Variants in KLHL2 observed in about 807,000 individuals in gnomAD.
KLHL2 encodes kelch-like protein 2.
A neutral mutation model predicts 75.8 loss-of-function variants in KLHL2; 15 were observed. That is an observed-to-expected ratio of 0.20 (90% CI 0.13 to 0.30). KLHL2 has a LOEUF of 0.30. Among genes scored for constraint, KLHL2 ranks in the 10% least tolerant of loss-of-function variants. The pLI, the probability that KLHL2 is intolerant of heterozygous loss-of-function variation, is 1.00. For missense variants in KLHL2, 381 were observed against 741.0 expected, an observed-to-expected ratio of 0.51 and a Z score of 5.64; for synonymous variants, 214 against 251.9, an observed-to-expected ratio of 0.85 and a Z score of 1.42.
chr4:165,277,421 T>G (rs1489914742), intron 5 of KLHL2, among the ~76,000 whole-genome samples: 2 of 152,248 alleles, frequency 1.3e-5, no homozygotes, highest in Non-Finnish European at 2.9e-5. Context: ...TAAATGTCTA[T>G]TTTAATAATT....
chr4:165,223,091 C>G, intron 2 of KLHL2, among the ~76,000 whole-genome samples: 1 of 152,216 alleles, frequency 6.6e-6, no homozygotes, highest in Non-Finnish European at 1.5e-5. Flanking sequence ...TGTTTTTAGA[C>G]AGGAGGCCCA....
chr4:165,220,714 G>A lies in KLHL2; in HGVS notation c.152+655G>A, dbSNP rs961355856. 5.9e-5 allele frequency among the ~76,000 whole-genome samples: 9 copies of A among 152,342 alleles called. No homozygotes were observed. In the South Asian group the frequency reaches 1.2e-3, roughly 21 times the overall value. Reference sequence around the variant, plus strand: ...AGGGCTTCTAACTTACTGTGGCAAAGAGTATGGAAAGAAACTTTTAGAGAA... The same window carrying A: ...AGGGCTTCTAACTTACTGTGGCAAAAAGTATGGAAAGAAACTTTTAGAGAA... On this transcript the variant is annotated intron_variant, in intron 2 of 14. Transcript: ENST00000226725.
At chr4:165,286,652 A>C (rs1356561943) in intron 5 of KLHL2, among the ~76,000 whole-genome samples, 1 of 152,196 alleles carries the variant, frequency 6.6e-6, no homozygotes, top group Non-Finnish European at 1.5e-5. Context: ...TTTCAAGGTA[A>C]AATTGAGCCA....
chr4:165,310,180 T>C (rs1041297673), intron 9 of KLHL2, among the ~76,000 whole-genome samples: 36 of 151,758 alleles, frequency 2.4e-4, no homozygotes, highest in Admixed American at 5.9e-4. Flanking sequence ...AAAAAATTAG[T>C]TGGGTGTGGT....
chr4:165,314,014 T>C lies in KLHL2; in HGVS notation c.1469-12T>C. 6.2e-7 allele frequency: 1 copy of C among 1,606,996 alleles called. No homozygotes were observed. Among genetic ancestry groups the C allele is most frequent in the Non-Finnish European group, 8.5e-7 (1 of 1,177,222 alleles). On this transcript the variant is annotated splice_polypyrimidine_tract_variant and intron_variant, in intron 12 of 14. Coordinates refer to ENST00000226725, the MANE Select transcript of KLHL2 (RefSeq NM_007246.4). ...CTTTTTGCCCCTCTATTTGGCTGGTTGTGTTTTATAGGTGTTGGTGTGTTA... is the reference window on the plus strand; with the variant it reads ...CTTTTTGCCCCTCTATTTGGCTGGTCGTGTTTTATAGGTGTTGGTGTGTTA...
chr4:165,209,637 T>C (rs182716851), intron 1 of KLHL2, among the ~76,000 whole-genome samples: 13 of 152,320 alleles, frequency 8.5e-5, no homozygotes, highest in African/African-American at 3.1e-4. Flanking sequence ...ATTTTTGGCA[T>C]TGAGATTCCA....
At chr4:165,274,621 A>G (rs1742937509) in intron 5 of KLHL2, among the ~76,000 whole-genome samples, 1 of 152,004 alleles carries the variant, frequency 6.6e-6, no homozygotes, top group Non-Finnish European at 1.5e-5. Flanking sequence ...AAAAAAAAAA[A>G]AAAATGGAAG....
At chr4:165,236,915 CTGTT>C (rs748311354) in intron 3 of KLHL2, among the ~76,000 whole-genome samples, 18 of 151,116 alleles carry the variant, frequency 1.2e-4, no homozygotes, top group Non-Finnish European at 2.4e-4. Flanking sequence ...ATATTAAAAA[CTGTT>C]TGGCAGAGAA....
At chr4:165,243,311 A>C (rs1489700537) in intron 4 of KLHL2, among the ~76,000 whole-genome samples, 1 of 152,214 alleles carries the variant, frequency 6.6e-6, no homozygotes, top group Non-Finnish European at 1.5e-5. Flanking sequence ...AGAGTTTTTC[A>C]CTTGATGTAA....
Position 165,258,369 on chromosome 4 carries a change from G to A in KLHL2, c.382-4828G>A, listed in dbSNP as rs577852402. On this transcript the variant is annotated intron_variant, in intron 4 of 14. Transcript: ENST00000226725. ...GTACTGTATAGAAATCCAAGGTACT[G>A]CATGATGGTCTGTGCTTAACTATGA... Among the ~76,000 whole-genome samples, 11 of 144,012 alleles carry A rather than the reference G, an allele frequency of 7.6e-5. No homozygotes were observed. The East Asian group carries it at 1.6e-3, about 21-fold the overall frequency. 94.5% of individuals were successfully genotyped at this position (144,012 alleles called of 152,430 possible). A position where few individuals can be genotyped will look rare whatever the true frequency, so the allele number is the denominator to read the frequency against.
intron 1 of KLHL2, among the ~76,000 whole-genome samples, chr4:165,212,626 C>T (rs977896990): frequency 6.6e-6 from 1 of 152,164 alleles, no homozygotes; most frequent in Non-Finnish European, 1.5e-5. Context: ...ATGTGATTTG[C>T]ATACTTTATC....
chr4:165,298,917 GA>G (rs1239085652), intron 7 of KLHL2, among the ~76,000 whole-genome samples: 2 of 150,996 alleles, frequency 1.3e-5, no homozygotes, highest in African/African-American at 2.4e-5. Flanking sequence ...GCAACAGAGT[GA>G]GACTCTGTTC....
chr4:165,295,938 A>G (rs568803656), intron 6 of KLHL2, among the ~76,000 whole-genome samples: 3 of 152,366 alleles, frequency 2.0e-5, no homozygotes, highest in South Asian at 4.1e-4. Flanking sequence ...GGAGAAAACC[A>G]TGCCAAAACC....
rs996275082 is a variant in KLHL2, at chr4:165,314,046, T to G, written c.1489T>G (p.Leu497Val). The G allele has an allele frequency of 1.2e-6, 2 of 1,613,196 alleles. No homozygotes were observed. The highest frequency in any genetic ancestry group is 2.7e-5 in the African/African-American group (2 of 74,866). ...SGAGVGVLNN[L>V]LYAVGGHDGP... ...TATAGGTGTTGGTGTGTTAAACAATTTATTGTATGCTGTAGGAGGTCATGA... is the reference window on the plus strand; with the variant it reads ...TATAGGTGTTGGTGTGTTAAACAATGTATTGTATGCTGTAGGAGGTCATGA... The change falls in exon 13 of 15, where the codon TTA (leucine) becomes GTA (valine). Residue 497 changes from leucine to valine, a missense_variant. This residue lies in a region of KLHL2 where 168 missense variants were observed against 370.4 expected (regional missense o/e 0.45). Transcript: ENST00000226725.
chr4:165,311,793 CCCT>C lies in KLHL2; in HGVS notation c.1339+235_1339+237del, dbSNP rs1284133054. Reference sequence around the variant, plus strand: ...TCCCTCTCTATCCCCCTCCCTTTATCCCTCCTCCTTTCTCTCTGTGTGTGTGTG... The same window carrying C: ...TCCCTCTCTATCCCCCTCCCTTTATCCCTCCTTTCTCTCTGTGTGTGTGTG... On this transcript the variant is annotated intron_variant, in intron 11 of 14. Coordinates refer to ENST00000226725, the MANE Select transcript of KLHL2 (RefSeq NM_007246.4). Among the ~76,000 whole-genome samples the C allele has an allele frequency of 3.4e-5, 5 of 145,498 alleles. No individual in the cohort carries two copies. In the East Asian group the frequency reaches 7.9e-4, roughly 23 times the overall value.
Position 165,310,770 on chromosome 4 carries a change from T to C in KLHL2, c.1237+20T>C, listed in dbSNP as rs1291602987. 6.4e-7 allele frequency: 1 copy of C among 1,570,178 alleles called. No homozygotes were observed. Among genetic ancestry groups the C allele is most frequent in the Non-Finnish European group, 8.8e-7 (1 of 1,141,100 alleles). On this transcript the variant is annotated intron_variant, in intron 10 of 14. Transcript: ENST00000226725. ...GTACAGGTAATTTCCTTTTCATTTA[T>C]TCTACATTGCTGCTAAAATTAACGT...
intron 4 of KLHL2, among the ~76,000 whole-genome samples, chr4:165,245,281 T>G (rs1325110515): frequency 6.6e-6 from 1 of 152,118 alleles, no homozygotes; most frequent in Non-Finnish European, 1.5e-5. Context: ...AGTTACAGAT[T>G]CAGGTCTGAA....
intron 4 of KLHL2, among the ~76,000 whole-genome samples, chr4:165,246,012 AG>A (rs1159350012): frequency 6.6e-6 from 1 of 152,150 alleles, no homozygotes; most frequent in Non-Finnish European, 1.5e-5. Flanking sequence ...CTGTCTTGAA[AG>A]GCTTTACATT....
intron 4 of KLHL2, among the ~76,000 whole-genome samples, chr4:165,252,073 G>A (rs1328078511): frequency 2.6e-5 from 4 of 152,104 alleles, no homozygotes; most frequent in African/African-American, 9.7e-5. Flanking sequence ...GTTTCATGTG[G>A]TACATAAAAG....
Sources: allele counts gnomAD v4.1 joint callset (sites outside exome capture counted in the v4.1 genomes callset), GRCh38; gene constraint gnomAD v4.1.1; regional missense constraint gnomAD v4.1.1; transcripts MANE v1.5; gene names NCBI Gene and HGNC (gene_info 2026-07-23, HGNC 2026-07-21).